The following KIAA1217 variants were observed in gnomAD, a reference collection of about 807,000 sequenced individuals.
The protein encoded by KIAA1217 is sickle tail protein homolog.
In KIAA1217, 88 loss-of-function variants were observed where a neutral mutation model predicts 163.9. That is an observed-to-expected ratio of 0.54 (90% CI 0.45 to 0.64). The LOEUF (loss-of-function observed/expected upper bound fraction) is 0.64, where lower values mean the gene tolerates loss of function less well. Ranked by LOEUF, KIAA1217 falls within the 30% of genes least tolerant of loss-of-function variation. The pLI is 0.00. For missense variants in KIAA1217, 2,372 were observed against 2,475.0 expected (o/e 0.96, Z 0.88); for synonymous variants, 903 against 923.1 (o/e 0.98, Z 0.39).
In KIAA1217 at chr10:23,849,461, G is replaced by A. The variant is rs560032917; in HGVS notation, c.-321+154227G>A. Among the ~76,000 whole-genome samples, 16 of 152,154 alleles carry A rather than the reference G, an allele frequency of 1.1e-4. No homozygotes were observed. The East Asian group carries it at 3.1e-3, about 29-fold the overall frequency. The stretch of plus-strand genomic sequence containing the variant: ...TGAGGCAGTGGCTCTAAAATCACCT[G>A]GAGTGGCACCTGATTGATACAGTGT... On this transcript the variant is annotated intron_variant, in intron 1 of 18. Coordinates refer to the KIAA1217 transcript ENST00000376462.
chr10:24,536,524 G>A lies in KIAA1217; in HGVS notation c.3415-250G>A, dbSNP rs576601279. On this transcript the variant is annotated intron_variant, in intron 16 of 20. Coordinates refer to ENST00000376454, the MANE Select transcript of KIAA1217 (RefSeq NM_019590.5). ...TCACCCCAGACAGGCAGAAAAGGTA[G>A]TAATGTCTATTTTATCTTGGCATTC... 6.0e-4 allele frequency among the ~76,000 whole-genome samples: 92 copies of A among 152,304 alleles called. 1 individual carries two copies. The highest frequency in any genetic ancestry group is 2.1e-3 in the African/African-American group (89 of 41,566).
At chr10:24,096,782 C>A (rs940523553) in intron 2 of KIAA1217, among the ~76,000 whole-genome samples, 4 of 152,314 alleles carry the variant, frequency 2.6e-5, no homozygotes, top group Non-Finnish European at 4.4e-5. Flanking sequence ...ACTAGATTTG[C>A]TTCCCTTATT....
intron 2 of KIAA1217, among the ~76,000 whole-genome samples, chr10:24,026,450 A>C (rs1320422169): frequency 6.6e-6 from 1 of 151,886 alleles, no homozygotes; most frequent in African/African-American, 2.4e-5. Flanking sequence ...TCTTTTGTAG[A>C]TATAGGACTA....
At chr10:23,882,889 T>C (rs964660346) in intron 1 of KIAA1217, among the ~76,000 whole-genome samples, 2 of 151,940 alleles carry the variant, frequency 1.3e-5, no homozygotes, top group Non-Finnish European at 2.9e-5. Context: ...ATTAAATTAA[T>C]TAGAAAATAG....
At chr10:24,208,374 G>GGT (rs10539475), upstream of KIAA1217, among the ~76,000 whole-genome samples, 32,498 of 148,734 alleles carry the variant, frequency 0.22, 4,101 homozygotes, top group Middle Eastern at 0.44. Context: ...TTAAGGGCTG[G>GGT]GTGTGTGTGT....
chr10:23,915,173 A>G (rs992780027), intron 1 of KIAA1217, among the ~76,000 whole-genome samples: 10 of 152,156 alleles, frequency 6.6e-5, no homozygotes, highest in African/African-American at 2.4e-4. Flanking sequence ...ACAAACATGA[A>G]ATTGCTCAGA....
chr10:23,996,258 G>A (rs1564596886), intron 1 of KIAA1217, among the ~76,000 whole-genome samples: 1 of 152,240 alleles, frequency 6.6e-6, no homozygotes, highest in East Asian at 1.9e-4. Flanking sequence ...CAGGAAGCAG[G>A]AACCATGAAA....
chr10:24,108,123 C>T (rs1036783472), intron 2 of KIAA1217, among the ~76,000 whole-genome samples: 3 of 152,154 alleles, frequency 2.0e-5, no homozygotes, highest in African/African-American at 4.8e-5. Context: ...TTTGACTTCT[C>T]ATCCTAAGGA....
At chr10:24,155,320 C>T (rs1189898766) in intron 2 of KIAA1217, among the ~76,000 whole-genome samples, 2 of 152,044 alleles carry the variant, frequency 1.3e-5, no homozygotes, top group Non-Finnish European at 2.9e-5. Flanking sequence ...TTGGATAGAT[C>T]CACAGAACCC....
intron 2 of KIAA1217, among the ~76,000 whole-genome samples, chr10:24,126,166 T>G (rs182207945): frequency 6.3e-4 from 96 of 152,300 alleles, no homozygotes; most frequent in Admixed American, 1.9e-3. Flanking sequence ...CGTGTTGAAT[T>G]TTTTGTTTGT....
chr10:24,093,975 T>C (rs952009553), intron 2 of KIAA1217, among the ~76,000 whole-genome samples: 2 of 151,980 alleles, frequency 1.3e-5, no homozygotes, highest in Non-Finnish European at 2.9e-5. Flanking sequence ...ACAAAGGACA[T>C]GAACTCATCA....
rs16923935 is a variant in KIAA1217, at chr10:23,829,998, G to A, written c.-321+134764G>A. ...AGTTGCCTCTGTTTGTTTCTGAATGGCTGCTAATGTTTAAATCTCTGGGCT... is the reference window on the plus strand; with the variant it reads ...AGTTGCCTCTGTTTGTTTCTGAATGACTGCTAATGTTTAAATCTCTGGGCT... On this transcript the variant is annotated intron_variant, in intron 1 of 18. Coordinates refer to the KIAA1217 transcript ENST00000376462. Among the ~76,000 whole-genome samples, 575 of 152,252 alleles carry A rather than the reference G, an allele frequency of 3.8e-3. 9 individuals carry two copies. Among genetic ancestry groups the A allele is most frequent in the African/African-American group, 0.013 (530 of 41,548 alleles).
chr10:24,172,135 G>A (rs996087030), intron 2 of KIAA1217, among the ~76,000 whole-genome samples: 1 of 152,142 alleles, frequency 6.6e-6, no homozygotes, highest in African/African-American at 2.4e-5. Context: ...AGGTAGTACA[G>A]AAAAGAAGAT....
chr10:24,330,482 A>G (rs1339682394), intron 2 of KIAA1217, among the ~76,000 whole-genome samples: 1 of 152,184 alleles, frequency 6.6e-6, no homozygotes, highest in Non-Finnish European at 1.5e-5. Flanking sequence ...CACTTTTGAT[A>G]TAGATCTGTC....
At chr10:24,280,847 C>T (rs1321605840) in intron 2 of KIAA1217, among the ~76,000 whole-genome samples, 2 of 151,148 alleles carry the variant, frequency 1.3e-5, no homozygotes, top group African/African-American at 2.4e-5. Context: ...AATTATACTT[C>T]TTCAACTTAA....
At chr10:23,975,093 A>T (rs1054913333) in intron 1 of KIAA1217, among the ~76,000 whole-genome samples, 20 of 152,334 alleles carry the variant, frequency 1.3e-4, no homozygotes, top group African/African-American at 2.6e-4. Context: ...ACAGAAGGAA[A>T]AGAGCTAAGG....
intron 2 of KIAA1217, among the ~76,000 whole-genome samples, chr10:24,259,076 G>A (rs913162511): frequency 3.3e-5 from 5 of 152,226 alleles, no homozygotes; most frequent in Admixed American, 2.0e-4. Context: ...CTGTTCAACT[G>A]TGATGAGATT....
intron 1 of KIAA1217, among the ~76,000 whole-genome samples, chr10:24,006,727 A>G (rs1412732423): frequency 1.3e-5 from 2 of 152,182 alleles, no homozygotes; most frequent in Non-Finnish European, 2.9e-5. Flanking sequence ...TCCCATGAGC[A>G]TGACCATGAC....
intron 1 of KIAA1217, among the ~76,000 whole-genome samples, chr10:23,912,257 A>G (rs918109466): frequency 6.6e-6 from 1 of 152,164 alleles, no homozygotes; most frequent in Non-Finnish European, 1.5e-5. Context: ...AGCATTTAAT[A>G]TAGTCCATTA....
Sources: allele counts gnomAD v4.1 joint callset (sites outside exome capture counted in the v4.1 genomes callset), GRCh38; gene constraint gnomAD v4.1.1; transcripts MANE v1.5; gene names NCBI Gene and HGNC (gene_info 2026-07-23, HGNC 2026-07-21).